Variants in CAV2 observed in about 807,000 individuals in gnomAD.
The protein encoded by CAV2 is caveolin 2.
CAV2 carries 7 observed loss-of-function variants against 15.5 expected under a neutral mutation model. That is an observed-to-expected ratio of 0.45 (90% confidence interval 0.26 to 0.85). The LOEUF is 0.85. Ranked by LOEUF, CAV2 falls within the 40% of genes least tolerant of loss-of-function variation. The probability of loss-of-function intolerance (pLI) is 0.18; values close to 1 mark genes in which losing one functional copy is unlikely to be tolerated. For synonymous variants in CAV2, 76 were observed against 83.1 expected, an observed-to-expected ratio of 0.91 and a Z score of 0.46; for missense variants, 229 against 208.8, an observed-to-expected ratio of 1.10 and a Z score of -0.60.
chr7:116,499,848 A>G lies in CAV2; in HGVS notation c.67A>G (p.Ser23Gly), dbSNP rs746484581. ...FMDDDSYSHH[S>G]GLEYADPEKF... ...GGACGACGACTCCTACAGCCACCAC[A>G]GCGGCCTCGAGTACGCCGACCCCGA... Residue 23 changes from serine to glycine, a missense_variant, in exon 1 of 3, where the codon AGC becomes GGC. Transcript: ENST00000222693. 2 of 1,606,040 alleles carry G rather than the reference A, an allele frequency of 1.2e-6. No homozygotes were observed. The highest frequency in any genetic ancestry group is 4.5e-5 in the East Asian group (2 of 44,400).
intron 1 of CAV2, 40 bp downstream of exon 1, chr7:116,499,971 C>G (rs1793052558): frequency 1.9e-6 from 3 of 1,597,312 alleles, no homozygotes; most frequent in South Asian, 2.3e-5. Context: ...CCCGCTGAGG[C>G]CGGGAGGTGC....
rs867203582 is a variant in CAV2, at chr7:116,500,164, C to A, written c.151-96C>A. 1.4e-4 allele frequency: 216 copies of A among 1,528,396 alleles called. 1 individual carries two copies. Among genetic ancestry groups the A allele is most frequent in the Middle Eastern group, 1.1e-3 (5 of 4,452 alleles). The allele number at this position is 1,528,396 out of a possible 1,614,324, so 94.7% of individuals were successfully genotyped here. A position where few individuals can be genotyped will look rare whatever the true frequency, so the allele number is the denominator to read the frequency against. ...AAGAGAAGAGGCGGACGCCCTGGCA[C>A]GTCCTTCCCTCCTGCTTCCCCCGCC... On this transcript the variant is annotated intron_variant, in intron 1 of 2. Transcript: ENST00000222693.
At chr7:116,501,650 C>G (rs1396270149) in intron 2 of CAV2, among the ~76,000 whole-genome samples, 1 of 152,138 alleles carries the variant, frequency 6.6e-6, no homozygotes, top group African/African-American at 2.4e-5. Context: ...GGGCAGCTGG[C>G]TAGGTACAGA....
chr7:116,501,919 T>A (rs1190431619), intron 2 of CAV2, among the ~76,000 whole-genome samples: 1 of 152,210 alleles, frequency 6.6e-6, no homozygotes, highest in Admixed American at 6.5e-5. Context: ...AAATGGATAG[T>A]TATATTCTGA....
intron 2 of CAV2, among the ~76,000 whole-genome samples, chr7:116,503,831 AAAG>A (rs1374033630): frequency 2.7e-5 from 4 of 147,732 alleles, no homozygotes; most frequent in African/African-American, 1.0e-4. Context: ...ACCTGAAAAG[AAAG>A]AAGGAAGGGA....
Position 116,500,431 on chromosome 7 carries a change from A to T in CAV2, c.322A>T (p.Ser108Cys). ...TGCGGGAATTCTCTTTGCCACCCTCAGCTGTCTGCACATCTGGTGAGACGG... is the reference window on the plus strand; with the variant it reads ...TGCGGGAATTCTCTTTGCCACCCTCTGCTGTCTGCACATCTGGTGAGACGG... ...FIAGILFATLSCLHIWILMPF... is the reference protein window; with the variant it reads ...FIAGILFATLCCLHIWILMPF... Residue 108 changes from serine to cysteine, a missense_variant, in exon 2 of 3, where the codon AGC becomes TGC. Ser to Cys is a moderately radical substitution (Grantham distance 112). Coordinates refer to ENST00000222693, the MANE Select transcript of CAV2 (RefSeq NM_001233.5). 3 of 1,613,460 alleles carry T rather than the reference A, an allele frequency of 1.9e-6. No homozygotes were observed. In the African/African-American group the frequency reaches 4.0e-5, roughly 22 times the overall value.
Position 116,506,171 on chromosome 7 carries a change from TATTA to T in CAV2, c.*51_*54del, listed in dbSNP as rs1793234908. ...TTGGGATACTGTAATACTTCTTTGT[TATTA>T]TAACATAAAAGCACCACTGTTCTGT... On this transcript the variant is annotated 3_prime_UTR_variant, in exon 3 of 3. Coordinates refer to ENST00000222693, the MANE Select transcript of CAV2 (RefSeq NM_001233.5). 2 of 1,583,948 alleles carry T rather than the reference TATTA, an allele frequency of 1.3e-6. No individual in the cohort carries two copies. Among genetic ancestry groups the T allele is most frequent in the Non-Finnish European group, 1.7e-6 (2 of 1,154,520 alleles).
At chr7:116,502,455 A>T (rs1258116521) in intron 2 of CAV2, among the ~76,000 whole-genome samples, 1 of 149,096 alleles carries the variant, frequency 6.7e-6, no homozygotes, top group Non-Finnish European at 1.5e-5. Context: ...GAGTAATTTC[A>T]AACAAGAATG....
intron 2 of CAV2, among the ~76,000 whole-genome samples, chr7:116,501,447 C>T (rs1334533037): frequency 6.6e-6 from 1 of 152,206 alleles, no homozygotes; most frequent in Non-Finnish European, 1.5e-5. Context: ...GATAAATACT[C>T]GGTGTTCATT....
rs968111280 is a variant in CAV2 at position 116,506,340 on chromosome 7, T to A, written c.*219T>A. On this transcript the variant is annotated 3_prime_UTR_variant, in exon 3 of 3. Coordinates refer to ENST00000222693, the MANE Select transcript of CAV2 (RefSeq NM_001233.5). ...ATATCTAACTTTGTAACCAGAATTA[T>A]ACAGTAAGTTGACACCACTTAGATT... The A allele has an allele frequency of 1.2e-5, 6 of 494,906 alleles. No individual in the cohort carries two copies. The highest frequency in any genetic ancestry group is 2.1e-5 in the Non-Finnish European group (6 of 282,306). The allele number at this position is 494,906 out of a possible 1,614,324, so 30.7% of individuals were successfully genotyped here.
chr7:116,499,795 C>A lies in CAV2; in HGVS notation c.14C>A (p.Thr5Lys). MGLE[T>K]EKADVQLFMD... The stretch of plus-strand genomic sequence containing the variant: ...ACCAAGGCTGCGATGGGGCTGGAGA[C>A]GGAGAAGGCGGACGTACAGCTCTTC... The change falls in exon 1 of 3, where the codon ACG (threonine) becomes AAG (lysine). Residue 5 changes from threonine to lysine, a missense_variant. By Grantham distance (78) the Thr-to-Lys change is moderately conservative (BLOSUM62 -1). Coordinates refer to ENST00000222693, the MANE Select transcript of CAV2 (RefSeq NM_001233.5). 2 of 1,576,964 alleles carry A rather than the reference C, an allele frequency of 1.3e-6. No homozygotes were observed. Among genetic ancestry groups the A allele is most frequent in the Non-Finnish European group, 8.6e-7 (1 of 1,163,784 alleles).
rs767620925 is a variant in CAV2 at position 116,499,804 on chromosome 7, C to T, written c.23C>T (p.Ala8Val). The T allele has an allele frequency of 4.4e-6, 7 of 1,585,796 alleles. No individual in the cohort carries two copies. Among genetic ancestry groups the T allele is most frequent in the Admixed American group, 1.8e-5 (1 of 55,592 alleles). MGLETEK[A>V]DVQLFMDDDS... ...GCGATGGGGCTGGAGACGGAGAAGG[C>T]GGACGTACAGCTCTTCATGGACGAC... The change falls in exon 1 of 3, where the codon GCG becomes GTG. Residue 8 changes from alanine (A) to valine (V), a missense_variant. Physicochemically the swap from Ala to Val is moderately conservative, Grantham distance 64. Coordinates refer to ENST00000222693, the MANE Select transcript of CAV2 (RefSeq NM_001233.5).
chr7:116,500,027 G>T, intron 1 of CAV2, 96 bp downstream of exon 1: 1 of 1,507,664 alleles, frequency 6.6e-7, no homozygotes, highest in Non-Finnish European at 8.8e-7. Context: ...ATTGCTACCG[G>T]GTCGGCCCCG....
rs765408285 is a variant in CAV2, at chr7:116,500,334, C to G, written c.225C>G (p.Ala75=). ...ACAAAGTGTGGATCTGCAGCCATGC[C>G]CTCTTTGAAATCAGCAAATACGTAA... The part of the protein sequence containing the change: ...SFDKVWICSH[A]LFEISKYVMY... Residue 75 remains alanine (A), a synonymous_variant, in exon 2 of 3, where the codon GCC becomes GCG. Coordinates refer to ENST00000222693, the MANE Select transcript of CAV2 (RefSeq NM_001233.5). 6 of 1,614,130 alleles carry G rather than the reference C, an allele frequency of 3.7e-6. No homozygotes were observed. The South Asian group carries it at 4.4e-5, about 12-fold the overall frequency.
chr7:116,500,180 TTCCCCCGCCCAAAGCGC>T, intron 1 of CAV2, 63 bp from the exon 2 acceptor site: 1 of 1,552,166 alleles, frequency 6.4e-7, no homozygotes, highest in Non-Finnish European at 8.7e-7. Flanking sequence ...TCCCTCCTGC[TTCCCCCGCCCAAAGCGC>T]TCCCGGTTCC....
chr7:116,499,840 G>A lies in CAV2; in HGVS notation c.59G>A (p.Ser20Asn). 3.1e-6 allele frequency: 5 copies of A among 1,607,830 alleles called. No individual in the cohort carries two copies. Among genetic ancestry groups the A allele is most frequent in the South Asian group, 1.1e-5 (1 of 89,850 alleles). The change falls in exon 1 of 3, where the codon AGC (serine) becomes AAC (asparagine). Residue 20 changes from serine (S) to asparagine (N), a missense_variant. Physicochemically the swap from Ser to Asn is conservative, Grantham distance 46. Transcript: ENST00000222693. ...VQLFMDDDSYSHHSGLEYADP... is the reference protein window; with the variant it reads ...VQLFMDDDSYNHHSGLEYADP... ...CTCTTCATGGACGACGACTCCTACA[G>A]CCACCACAGCGGCCTCGAGTACGCC...
chr7:116,505,838 T>G (rs1369590146), intron 2 of CAV2, 133 bp from the exon 3 acceptor site: 2 of 604,986 alleles, frequency 3.3e-6, no homozygotes, highest in East Asian at 2.9e-5. Flanking sequence ...GTGATCATTG[T>G]TCATTTATTT....
chr7:116,505,462 A>G (rs2116135670), intron 2 of CAV2, among the ~76,000 whole-genome samples: 1 of 152,312 alleles, frequency 6.6e-6, no homozygotes, highest in East Asian at 1.9e-4. Flanking sequence ...ATTTATAAAG[A>G]AAAGAGGTTT....
chr7:116,503,968 A>C (rs1184080552), intron 2 of CAV2, among the ~76,000 whole-genome samples: 1 of 151,176 alleles, frequency 6.6e-6, no homozygotes, highest in Non-Finnish European at 1.5e-5. Flanking sequence ...AAAAAGAGAA[A>C]GAAGGAAAGA....
Sources: gnomAD v4.1 joint callset for allele counts (sites outside exome capture counted in the v4.1 genomes callset) on GRCh38, gnomAD v4.1.1 for gene constraint, MANE v1.5 for transcripts, NCBI Gene and HGNC (gene_info 2026-07-23, HGNC 2026-07-21) for gene names.